The following PKNOX2 variants were observed in gnomAD, a reference collection of about 807,000 sequenced individuals.
PKNOX2 encodes the protein homeobox protein PKNOX2.
PKNOX2 carries 14 observed loss-of-function variants against 53.1 expected under a neutral mutation model. That is an observed-to-expected ratio of 0.26 (90% CI 0.17 to 0.41). The LOEUF (loss-of-function observed/expected upper bound fraction) is 0.41. Ranked by LOEUF, PKNOX2 falls within the 10% of genes least tolerant of loss-of-function variation. PKNOX2 has a pLI of 1.00. For missense variants in PKNOX2, 496 were observed against 602.8 expected (o/e 0.82, Z 1.85); for synonymous variants, 257 against 242.8 (o/e 1.06, Z -0.54).
At chr11:125,215,560 T>G (rs984857788) in intron 1 of PKNOX2, among the ~76,000 whole-genome samples, 3 of 151,966 alleles carry the variant, frequency 2.0e-5, no homozygotes, top group African/African-American at 7.2e-5. Flanking sequence ...AAGACCAGCC[T>G]GACCAACACG....
At chr11:125,399,658 G>A (rs1044391918) in intron 7 of PKNOX2, among the ~76,000 whole-genome samples, 2 of 152,196 alleles carry the variant, frequency 1.3e-5, no homozygotes, top group African/African-American at 4.8e-5. Flanking sequence ...TGAGGATTTA[G>A]TGCCTCACAG....
chr11:125,323,694 G>A (rs932755240), intron 2 of PKNOX2, among the ~76,000 whole-genome samples: 2 of 152,218 alleles, frequency 1.3e-5, no homozygotes, highest in African/African-American at 4.8e-5. Flanking sequence ...TGGAAGGCAT[G>A]GAAGGAAAAG....
At chr11:125,200,172 AG>A (rs1479873393) in intron 1 of PKNOX2, among the ~76,000 whole-genome samples, 1 of 152,214 alleles carries the variant, frequency 6.6e-6, no homozygotes, top group Non-Finnish European at 1.5e-5. Context: ...AGCAGGGACC[AG>A]AGGGCCCCAC....
chr11:125,265,848 G>A (rs1200074762), intron 2 of PKNOX2, among the ~76,000 whole-genome samples: 1 of 152,094 alleles, frequency 6.6e-6, no homozygotes, highest in African/African-American at 2.4e-5. Flanking sequence ...AAGAGGAATA[G>A]GCGTTCCTCT....
intron 2 of PKNOX2, among the ~76,000 whole-genome samples, chr11:125,300,925 C>T (rs1218754597): frequency 6.6e-6 from 1 of 152,280 alleles, no homozygotes; most frequent in East Asian, 1.9e-4. Context: ...GAATACACTT[C>T]TGGCCTAGGT....
chr11:125,174,629 T>C (rs1233545439), intron 1 of PKNOX2, among the ~76,000 whole-genome samples: 2 of 152,088 alleles, frequency 1.3e-5, no homozygotes, highest in Non-Finnish European at 2.9e-5. Context: ...TGTAGGCAGG[T>C]GAGTGGGTGG....
At chr11:125,361,987 C>T (rs879589625) in intron 4 of PKNOX2, among the ~76,000 whole-genome samples, 2 of 152,186 alleles carry the variant, frequency 1.3e-5, no homozygotes, top group Admixed American at 6.5e-5. Flanking sequence ...ACATGGGTTC[C>T]ACATGGGAGA....
At chr11:125,287,107 T>G (rs1398321922) in intron 2 of PKNOX2, among the ~76,000 whole-genome samples, 2 of 152,220 alleles carry the variant, frequency 1.3e-5, no homozygotes, top group Non-Finnish European at 2.9e-5. Flanking sequence ...GACAGTCTGA[T>G]GACATTAATC....
rs1159548911 is a variant in PKNOX2 at position 125,433,225 on chromosome 11, G to A, written c.*1833G>A. 6.5e-6 allele frequency: 1 copy of A among 152,712 alleles called. No homozygotes were observed. Among genetic ancestry groups the A allele is most frequent in the African/African-American group, 2.4e-5 (1 of 41,390 alleles). 9.5% of individuals were successfully genotyped at this position (152,712 alleles called of 1,614,324 possible). A position where few individuals can be genotyped will look rare whatever the true frequency, so the allele number is the denominator to read the frequency against. ...ACACACACCGTTCCACTCACCACCT[G>A]GACAGGCGTCCCCCAGCACGGACAC... On this transcript the variant is annotated 3_prime_UTR_variant, in exon 13 of 13. Transcript: ENST00000298282.
chr11:125,203,339 C>T (rs189125481), intron 1 of PKNOX2, among the ~76,000 whole-genome samples: 1 of 152,318 alleles, frequency 6.6e-6, no homozygotes, highest in Non-Finnish European at 1.5e-5. Flanking sequence ...AACTCCCGGG[C>T]TCAAGCGATC....
chr11:125,253,143 C>G (rs1335360096), intron 2 of PKNOX2, among the ~76,000 whole-genome samples: 1 of 152,088 alleles, frequency 6.6e-6, no homozygotes, highest in Non-Finnish European at 1.5e-5. Context: ...GCTTAGGGTC[C>G]CTGGAAGCTT....
intron 2 of PKNOX2, among the ~76,000 whole-genome samples, chr11:125,294,017 G>A (rs1947493419): frequency 6.6e-6 from 1 of 152,198 alleles, no homozygotes. Flanking sequence ...AACTGTGTTA[G>A]GAAGGAAGTC....
intron 1 of PKNOX2, among the ~76,000 whole-genome samples, chr11:125,192,673 G>T (rs921266569): frequency 1.2e-4 from 19 of 152,192 alleles, no homozygotes; most frequent in African/African-American, 4.6e-4. Flanking sequence ...GCCCTGGAAG[G>T]GAGGTGTTTG....
chr11:125,167,220 A>T (rs934503399), intron 1 of PKNOX2, among the ~76,000 whole-genome samples: 1 of 151,066 alleles, frequency 6.6e-6, no homozygotes, highest in African/African-American at 2.4e-5. Context: ...GGAGGAGGGC[A>T]TTGAGGGGAG....
intron 2 of PKNOX2, among the ~76,000 whole-genome samples, chr11:125,265,752 G>T (rs1003333623): frequency 2.0e-5 from 3 of 152,162 alleles, no homozygotes; most frequent in South Asian, 2.1e-4. Context: ...TGCTTCACAG[G>T]GTTGGGTAAG....
At chr11:125,393,653 G>A (rs1226102607) in intron 6 of PKNOX2, among the ~76,000 whole-genome samples, 1 of 152,158 alleles carries the variant, frequency 6.6e-6, no homozygotes, top group African/African-American at 2.4e-5. Flanking sequence ...GTGTGCACAT[G>A]GAGAAGCAGG....
At chr11:125,221,942 G>A (rs554335814) in intron 1 of PKNOX2, among the ~76,000 whole-genome samples, 6 of 152,236 alleles carry the variant, frequency 3.9e-5, no homozygotes, top group Non-Finnish European at 8.8e-5. Context: ...TTGCGTACCT[G>A]AGGCAGAGAC....
At chr11:125,302,805 C>T (rs1280457666) in intron 2 of PKNOX2, among the ~76,000 whole-genome samples, 8 of 152,352 alleles carry the variant, frequency 5.3e-5, no homozygotes, top group East Asian at 1.9e-4. Flanking sequence ...GCCCTCTCCA[C>T]GTCTTTTCCC....
At chr11:125,418,955 T>A (rs1204613685) in intron 10 of PKNOX2, among the ~76,000 whole-genome samples, 1 of 151,972 alleles carries the variant, frequency 6.6e-6, no homozygotes, top group African/African-American at 2.4e-5. Context: ...AAATACTACA[T>A]CATGTTATAT....
Sources: gnomAD v4.1 joint callset for allele counts (sites outside exome capture counted in the v4.1 genomes callset) on GRCh38, gnomAD v4.1.1 for gene constraint, MANE v1.5 for transcripts, NCBI Gene and HGNC (gene_info 2026-07-23, HGNC 2026-07-21) for gene names.